The following SAV1 variants were observed in gnomAD, a reference collection of about 807,000 sequenced individuals.
The protein encoded by SAV1 is salvador family WW domain containing protein 1, also known as protein salvador homolog 1.
SAV1 carries 23 observed loss-of-function variants against 47.3 expected under a neutral mutation model. The ratio of observed to expected loss-of-function variants is 0.49; its 90% CI spans 0.35 to 0.69. The LOEUF is 0.69. SAV1 is among the 30% of genes least tolerant of loss of function. The pLI is 0.01. For missense variants in SAV1, 448 were observed against 457.4 expected, an observed-to-expected ratio of 0.98 and a Z score of 0.19; for synonymous variants, 155 against 159.2, an observed-to-expected ratio of 0.97 and a Z score of 0.20.
chr14:50,645,059 T>G, intron 2 of SAV1, 45 bp from the exon 3 acceptor site: 1 of 1,544,560 alleles, frequency 6.5e-7, no homozygotes, highest in South Asian at 1.2e-5. Context: ...GAACAATTAT[T>G]CAATGCAAAA....
chr14:50,667,144 T>G lies in SAV1; in HGVS notation c.94+730A>C, dbSNP rs151178236. Among the ~76,000 whole-genome samples, 1,207 of 150,902 alleles carry G rather than the reference T, an allele frequency of 8.0e-3. 21 individuals carry two copies. The highest frequency in any genetic ancestry group is 0.027 in the African/African-American group (1,124 of 41,100). ...AGATTCAACTCAAAAATCAAATACT[T>G]ACATTAAGAAGAAAAGCAGCGGGGG... On this transcript the variant is annotated intron_variant, in intron 1 of 4. Coordinates refer to ENST00000324679, the MANE Select transcript of SAV1 (RefSeq NM_021818.4).
At chr14:50,641,003 C>T (rs2039677440) in intron 3 of SAV1, 110 bp from the exon 4 acceptor site, 1 of 961,850 alleles carries the variant, frequency 1.0e-6, no homozygotes, top group Non-Finnish European at 1.5e-6. Context: ...TCTGTCCAAA[C>T]TGACTTACAC....
chr14:50,652,619 A>G (rs1470786431), intron 2 of SAV1, among the ~76,000 whole-genome samples: 3 of 152,250 alleles, frequency 2.0e-5, no homozygotes, highest in African/African-American at 4.8e-5. Flanking sequence ...TACCACACCA[A>G]TAATTAAAAC....
At chr14:50,642,865 G>A (rs1257392194) in intron 3 of SAV1, among the ~76,000 whole-genome samples, 1 of 152,210 alleles carries the variant, frequency 6.6e-6, no homozygotes, top group Admixed American at 6.5e-5. Context: ...AACTGGGGGT[G>A]AAGAAGAATT....
Position 50,639,344 on chromosome 14 carries a change from G to A in SAV1, c.950+1406C>T, listed in dbSNP as rs116296481. ...ACATGCAAATTTTTTTTGCAAAAAT[G>A]TCTCTTTTTGTTGTGATAATTGATT... On this transcript the variant is annotated intron_variant, in intron 4 of 4. Transcript: ENST00000324679. 9.3e-3 allele frequency among the ~76,000 whole-genome samples: 1,210 copies of A among 130,770 alleles called. 13 individuals carry two copies. Among genetic ancestry groups the A allele is most frequent in the African/African-American group, 0.034 (1,137 of 33,614 alleles). 85.8% of individuals were successfully genotyped at this position (130,770 alleles called of 152,430 possible). A position where few individuals can be genotyped will look rare whatever the true frequency, so the allele number is the denominator to read the frequency against.
At chr14:50,661,403 C>G (rs1203939719) in intron 2 of SAV1, among the ~76,000 whole-genome samples, 3 of 152,140 alleles carry the variant, frequency 2.0e-5, no homozygotes, top group African/African-American at 7.2e-5. Flanking sequence ...TATGTTGTCT[C>G]TTCATTCTGT....
At position 50,665,637 on chromosome 14, in the gene SAV1, A is replaced by AT. The variant is rs757481352; in HGVS notation, c.95-19dup. ...CATAAGATCTACAATAAAACAAAGG[A>AT]TAAAATTACCCTTTCATCATTAAGT... is the stretch of plus-strand genomic sequence containing the variant. On this transcript the variant is annotated intron_variant, in intron 1 of 4. Coordinates refer to ENST00000324679, the MANE Select transcript of SAV1 (RefSeq NM_021818.4). 2 of 1,546,678 alleles carry AT rather than the reference A, an allele frequency of 1.3e-6. No individual in the cohort carries two copies. Among genetic ancestry groups the AT allele is most frequent in the Admixed American group, 4.2e-5 (2 of 47,564 alleles).
chr14:50,660,046 T>C (rs2039845779), intron 2 of SAV1, among the ~76,000 whole-genome samples: 1 of 152,228 alleles, frequency 6.6e-6, no homozygotes, highest in Non-Finnish European at 1.5e-5. Context: ...CCATAGTAAC[T>C]GGCAGTCACA....
At chr14:50,648,288 G>T (rs1451982320) in intron 2 of SAV1, among the ~76,000 whole-genome samples, 2 of 152,166 alleles carry the variant, frequency 1.3e-5, no homozygotes, top group African/African-American at 4.8e-5. Context: ...CTGGAGGTGA[G>T]GGACAGGAGT....
intron 2 of SAV1, 62 bp downstream of exon 2, chr14:50,665,117 C>T: frequency 6.9e-7 from 1 of 1,459,696 alleles, no homozygotes; most frequent in African/African-American, 1.4e-5. Flanking sequence ...TAGAAAAGAA[C>T]ATCTTTTTAA....
chr14:50,654,096 G>A (rs1174197936), intron 2 of SAV1, among the ~76,000 whole-genome samples: 1 of 152,050 alleles, frequency 6.6e-6, no homozygotes, highest in Non-Finnish European at 1.5e-5. Context: ...TTGAAGGCTG[G>A]GATAGCTGTG....
chr14:50,667,147 A>G (rs2039908140), intron 1 of SAV1, among the ~76,000 whole-genome samples: 2 of 151,930 alleles, frequency 1.3e-5, no homozygotes, highest in South Asian at 4.2e-4. Flanking sequence ...AAATACTTAC[A>G]TTAAGAAGAA....
At chr14:50,667,753 C>T (rs2039915301) in intron 1 of SAV1, 121 bp downstream of exon 1, 5 of 700,054 alleles carry the variant, frequency 7.1e-6, no homozygotes, top group African/African-American at 3.6e-5. Flanking sequence ...ATCTCAAAAC[C>T]AGTATTTCAC....
chr14:50,655,323 T>A (rs943098593), intron 2 of SAV1, among the ~76,000 whole-genome samples: 5 of 152,218 alleles, frequency 3.3e-5, no homozygotes, highest in African/African-American at 1.2e-4. Flanking sequence ...TGTATTTATA[T>A]GAGTTACTTA....
At chr14:50,649,594 C>A (rs1281449253) in intron 2 of SAV1, among the ~76,000 whole-genome samples, 2 of 152,186 alleles carry the variant, frequency 1.3e-5, no homozygotes, top group African/African-American at 4.8e-5. Context: ...GAGAGTAAAT[C>A]TGTTAGCCAC....
At position 50,635,855 on chromosome 14, in the gene SAV1, A is replaced by G. The variant is rs574286816; in HGVS notation, c.951-471T>C. On this transcript the variant is annotated intron_variant, in intron 4 of 4. Transcript: ENST00000324679. Reference sequence around the variant, plus strand: ...CTCCCAAGTAGCTGGGATTACAGGCATGCGCCACCATGCCCAGCTACTTCT... The same window carrying G: ...CTCCCAAGTAGCTGGGATTACAGGCGTGCGCCACCATGCCCAGCTACTTCT... Among the ~76,000 whole-genome samples the G allele has an allele frequency of 3.5e-4, 53 of 152,126 alleles. 1 individual carries two copies. In the East Asian group the frequency reaches 5.8e-3, roughly 17 times the overall value.
At chr14:50,643,018 G>T (rs2039692710) in intron 3 of SAV1, among the ~76,000 whole-genome samples, 1 of 152,120 alleles carries the variant, frequency 6.6e-6, no homozygotes, top group South Asian at 2.1e-4. Flanking sequence ...TACCACAGGT[G>T]GTTGTTCTCA....
intron 4 of SAV1, among the ~76,000 whole-genome samples, chr14:50,639,081 T>G (rs1439255098): frequency 2.0e-5 from 3 of 152,246 alleles, no homozygotes; most frequent in Non-Finnish European, 4.4e-5. Flanking sequence ...TTTTAAAATT[T>G]TATCCTATAG....
intron 2 of SAV1, among the ~76,000 whole-genome samples, chr14:50,649,444 C>G (rs1426852586): frequency 1.3e-5 from 2 of 152,166 alleles, no homozygotes; most frequent in East Asian, 3.8e-4. Flanking sequence ...GTAATAAAGA[C>G]AGTGTAGTAT....
Sources: gnomAD v4.1 joint callset for allele counts (sites outside exome capture counted in the v4.1 genomes callset) on GRCh38, gnomAD v4.1.1 for gene constraint, MANE v1.5 for transcripts, NCBI Gene and HGNC (gene_info 2026-07-23, HGNC 2026-07-21) for gene names.